VPS53: variants seen among roughly 807,000 people sequenced by gnomAD.
The protein encoded by VPS53 is VPS53 subunit of GARP complex.
A neutral mutation model predicts 107.0 loss-of-function variants in VPS53; 70 were observed. That is an observed-to-expected ratio of 0.65 (90% CI 0.54 to 0.80). The LOEUF is 0.80. Ranked by LOEUF, VPS53 falls within the 30% of genes least tolerant of loss-of-function variation. The pLI is 0.00. For synonymous variants in VPS53, 409 were observed against 393.3 expected (o/e 1.04, Z -0.47); for missense variants, 917 against 1,049.4 (o/e 0.87, Z 1.74).
intron 4 of VPS53, among the ~76,000 whole-genome samples, chr17:690,711 G>A (rs1237316183): frequency 6.6e-6 from 1 of 152,070 alleles, no homozygotes; most frequent in East Asian, 1.9e-4. Flanking sequence ...CCAAGGTAAT[G>A]GAAGAATAGT....
chr17:639,401 CCTT>C (rs1237013344), intron 7 of VPS53, among the ~76,000 whole-genome samples: 2 of 152,168 alleles, frequency 1.3e-5, no homozygotes, highest in Non-Finnish European at 2.9e-5. Flanking sequence ...TCGTCTGAAG[CCTT>C]CTTCTCTCAA....
chr17:569,903 CAA>C (rs61335321), intron 13 of VPS53, among the ~76,000 whole-genome samples: 22 of 106,084 alleles, frequency 2.1e-4, no homozygotes, highest in East Asian at 2.8e-4. Context: ...GACTCTGCCT[CAA>C]AAAAAAAAAA....
chr17:618,900 C>G (rs1352769811), intron 11 of VPS53, among the ~76,000 whole-genome samples: 1 of 150,318 alleles, frequency 6.7e-6, no homozygotes, highest in East Asian at 2.0e-4. Flanking sequence ...ACCACGCCTG[C>G]TAATATTTTC....
chr17:627,047 A>T (rs561948069), intron 10 of VPS53, 127 bp downstream of exon 10: 28 of 1,261,682 alleles, frequency 2.2e-5, no homozygotes, highest in Non-Finnish European at 3.0e-5. Context: ...TACGAGGATG[A>T]TATTAGTCAT....
At chr17:703,868 T>A (rs1213952591) in intron 2 of VPS53, among the ~76,000 whole-genome samples, 1 of 151,626 alleles carries the variant, frequency 6.6e-6, no homozygotes, top group Non-Finnish European at 1.5e-5. Context: ...TGGCACGATC[T>A]CAGCTGACTG....
intron 1 of VPS53, 98 bp downstream of exon 1, chr17:714,525 C>T: frequency 8.3e-7 from 1 of 1,203,742 alleles, no homozygotes; most frequent in Non-Finnish European, 1.2e-6. Context: ...CCGCGAGCCC[C>T]CGGCCCTCCG....
intron 12 of VPS53, among the ~76,000 whole-genome samples, chr17:589,711 T>A (rs1057098865): frequency 5.3e-5 from 8 of 152,162 alleles, no homozygotes; most frequent in Non-Finnish European, 1.2e-4. Context: ...ATCTTAAGAA[T>A]GGCATATTGT....
Position 518,897 on chromosome 17 carries a change from C to A in VPS53, c.*231G>T. ...ATCCTCCACTGCTGCCTCTGCTTCA[C>A]GAACCAGAGATCACCTAAATCGCCC... On this transcript the variant is annotated 3_prime_UTR_variant, in exon 22 of 22. Transcript: ENST00000437048. The A allele has an allele frequency of 2.3e-6, 1 of 428,590 alleles. No homozygotes were observed. The highest frequency in any genetic ancestry group is 4.1e-6 in the Non-Finnish European group (1 of 245,706). 26.5% of individuals were successfully genotyped at this position (428,590 alleles called of 1,614,324 possible).
Position 599,038 on chromosome 17 carries a change from C to A in VPS53, c.1218+2757G>T, listed in dbSNP as rs8080276. The stretch of plus-strand genomic sequence containing the variant: ...CCCCAACCCGGCCAGCCGCCCCATC[C>A]GGGAGGTGAGGGGCGCCTCTGCCCA... On this transcript the variant is annotated intron_variant, in intron 12 of 21. Coordinates refer to ENST00000437048, the MANE Select transcript of VPS53 (RefSeq NM_001128159.3). Among the ~76,000 whole-genome samples the A allele has an allele frequency of 6.9e-5, 6 of 86,742 alleles. 1 individual carries two copies. The South Asian group carries it at 2.3e-3, about 33-fold the overall frequency. 56.9% of individuals were successfully genotyped at this position (86,742 alleles called of 152,430 possible).
intron 4 of VPS53, among the ~76,000 whole-genome samples, chr17:688,565 A>G (rs574606742): frequency 6.6e-6 from 1 of 152,346 alleles, no homozygotes; most frequent in East Asian, 1.9e-4. Context: ...TTAAACAGTT[A>G]ACGGACATTT....
At chr17:539,423 T>C (rs556504350) in intron 17 of VPS53, among the ~76,000 whole-genome samples, 72 of 152,362 alleles carry the variant, frequency 4.7e-4, no homozygotes, top group Non-Finnish European at 9.8e-4. Flanking sequence ...ATGACTCCAT[T>C]GGTCAAGCTA....
intron 15 of VPS53, among the ~76,000 whole-genome samples, chr17:557,885 GGT>G (rs1912580660): frequency 1.4e-5 from 2 of 147,252 alleles, no homozygotes; most frequent in Admixed American, 6.8e-5. Context: ...TTAGAGACAG[GGT>G]CTCACTCTGT....
Position 537,161 on chromosome 17 carries a change from C to T in VPS53, c.1882G>A (p.Val628Met), listed in dbSNP as rs771258247. 3.3e-5 allele frequency: 53 copies of T among 1,613,880 alleles called. No individual in the cohort carries two copies. The highest frequency in any genetic ancestry group is 5.3e-5 in the African/African-American group (4 of 74,868). The change falls in exon 18 of 22, where the codon GTG becomes ATG. Residue 628 changes from valine to methionine, a missense_variant. Val to Met is a conservative substitution (Grantham distance 21). Coordinates refer to ENST00000437048, the MANE Select transcript of VPS53 (RefSeq NM_001128159.3). ...GGGCTCTGGTCACCAACGTGCTCCA[C>T]GTTCTGCCACTGCATCTGAAAGGGA... ...TAMSKMQWQN[V>M]EHVGDQSPYV...
Position 697,442 on chromosome 17 carries a change from C to G in VPS53, c.261G>C (p.Thr87=), listed in dbSNP as rs79177788. ...DNIRTVVRGQ[T]NVGQDGRQAL... ...CTTGCCGTCCATCCTGCCCCACGTT[C>G]GTCTGACCTCTTACAACAGTTCGAA... The change falls in exon 4 of 22, where the codon ACG becomes ACC. Residue 87 remains threonine (T), a synonymous_variant. Transcript: ENST00000437048. 1 of 1,614,054 alleles carries G rather than the reference C, an allele frequency of 6.2e-7. No homozygotes were observed. Among genetic ancestry groups the G allele is most frequent in the Non-Finnish European group, 8.5e-7 (1 of 1,179,916 alleles).
chr17:700,694 T>C (rs72810224), intron 2 of VPS53, among the ~76,000 whole-genome samples: 14,544 of 152,186 alleles, frequency 0.096, 988 homozygotes, highest in Non-Finnish European at 0.14. Context: ...TGTGAGGAAA[T>C]GGTGCCCCCT....
At chr17:549,544 C>T (rs966671499) in intron 17 of VPS53, among the ~76,000 whole-genome samples, 14 of 151,734 alleles carry the variant, frequency 9.2e-5, no homozygotes, top group Non-Finnish European at 2.1e-4. Flanking sequence ...GTATAAGCAA[C>T]ACTTGCAGTG....
chr17:583,325 TTCCCACAGAACC>T (rs1314151092), intron 13 of VPS53, among the ~76,000 whole-genome samples: 1 of 150,362 alleles, frequency 6.7e-6, no homozygotes, highest in African/African-American at 2.5e-5. Context: ...ACATAATGCA[TTCCCACAGAACC>T]TCCCTCAGAA....
chr17:539,958 C>G (rs551108216), intron 17 of VPS53, among the ~76,000 whole-genome samples: 1 of 151,974 alleles, frequency 6.6e-6, no homozygotes, highest in African/African-American at 2.4e-5. Flanking sequence ...CTATCTAAAG[C>G]CCAAACCAAG....
chr17:671,377 AGAGG>A (rs896611279), intron 4 of VPS53, among the ~76,000 whole-genome samples: 26 of 143,656 alleles, frequency 1.8e-4, no homozygotes, highest in Admixed American at 1.4e-3. Context: ...GAAAAGAGAA[AGAGG>A]GAGGGAGGGA....
Sources: gnomAD v4.1 joint callset for allele counts (sites outside exome capture counted in the v4.1 genomes callset) on GRCh38, gnomAD v4.1.1 for gene constraint, MANE v1.5 for transcripts, NCBI Gene and HGNC (gene_info 2026-07-23, HGNC 2026-07-21) for gene names.